The following MARCHF5 variants were observed in gnomAD, a reference collection of about 807,000 sequenced individuals.
MARCHF5 encodes the protein membrane associated ring-CH-type finger 5, also known as E3 ubiquitin-protein ligase MARCHF5.
MARCHF5 carries 5 observed loss-of-function variants against 36.5 expected under a neutral mutation model. The ratio of observed to expected loss-of-function variants is 0.14; its 90% CI spans 0.07 to 0.29. The LOEUF is 0.29. Ranked by LOEUF, MARCHF5 falls within the 10% of genes least tolerant of loss-of-function variation. The pLI, the probability that MARCHF5 is intolerant of heterozygous loss-of-function variation, is 1.00. For missense variants in MARCHF5, 179 were observed against 336.3 expected, an observed-to-expected ratio of 0.53 and a Z score of 3.66; for synonymous variants, 103 against 109.9, an observed-to-expected ratio of 0.94 and a Z score of 0.39.
At chr10:92,322,010 C>G (rs1228545494) in intron 2 of MARCHF5, among the ~76,000 whole-genome samples, 1 of 151,412 alleles carries the variant, frequency 6.6e-6, no homozygotes, top group African/African-American at 2.4e-5. Flanking sequence ...TTTGGGAGGC[C>G]GAGGCGGGCG....
At chr10:92,292,314 ACT>A (rs1404699631) in intron 1 of MARCHF5, among the ~76,000 whole-genome samples, 4 of 151,540 alleles carry the variant, frequency 2.6e-5, no homozygotes, top group Non-Finnish European at 2.9e-5. Flanking sequence ...GTTTTTGGAG[ACT>A]CTAGATCCAC....
chr10:92,337,073 GAT>G (rs1843510955), intron 2 of MARCHF5, among the ~76,000 whole-genome samples: 1 of 150,472 alleles, frequency 6.6e-6, no homozygotes. Context: ...AGTGAGCCAA[GAT>G]GACGCCATTG....
Position 92,311,180 on chromosome 10 carries a change from T to C in MARCHF5, c.81T>C (p.Ala27=), listed in dbSNP as rs777022739. 4.3e-6 allele frequency: 7 copies of C among 1,614,126 alleles called. No homozygotes were observed. Among genetic ancestry groups the C allele is most frequent in the East Asian group, 4.5e-5 (2 of 44,876 alleles). The change falls in exon 2 of 6, where the codon GCT becomes GCC. Residue 27 remains alanine (A), a synonymous_variant. Coordinates refer to ENST00000358935, the MANE Select transcript of MARCHF5 (RefSeq NM_017824.5). ...CTACTGATGAAGATGATAGAACAGC[T>C]GAATGGGTGAGACCATGCAGGTGCA... ...CFATDEDDRT[A]EWVRPCRCRG... is the part of the protein sequence containing the mutation.
At chr10:92,303,593 CT>C (rs763745350) in intron 1 of MARCHF5, among the ~76,000 whole-genome samples, 7 of 152,012 alleles carry the variant, frequency 4.6e-5, no homozygotes, top group Non-Finnish European at 8.8e-5. Flanking sequence ...CATGTAGTTC[CT>C]TGTGGCATCA....
intron 2 of MARCHF5, among the ~76,000 whole-genome samples, chr10:92,321,225 C>T (rs566331502): frequency 7.9e-5 from 12 of 152,154 alleles, no homozygotes; most frequent in African/African-American, 2.9e-4. Context: ...CATTGAGTAA[C>T]ACGTGAGTGT....
At chr10:92,325,757 A>G (rs1843349804) in intron 2 of MARCHF5, among the ~76,000 whole-genome samples, 1 of 152,116 alleles carries the variant, frequency 6.6e-6, no homozygotes, top group South Asian at 2.1e-4. Flanking sequence ...GGCTCTCTGC[A>G]ACCTCTGCCT....
intron 1 of MARCHF5, among the ~76,000 whole-genome samples, chr10:92,292,409 C>A (rs1446095125): frequency 6.6e-6 from 1 of 152,182 alleles, no homozygotes; most frequent in Non-Finnish European, 1.5e-5. Context: ...TTACAATTCT[C>A]AATAGACACC....
intron 2 of MARCHF5, among the ~76,000 whole-genome samples, chr10:92,330,157 T>C (rs1334423881): frequency 1.3e-5 from 2 of 152,216 alleles, no homozygotes; most frequent in African/African-American, 4.8e-5. Context: ...ATTTAGTCTT[T>C]TGTAGCCCTC....
chr10:92,337,788 G>A (rs1259370880), intron 2 of MARCHF5, among the ~76,000 whole-genome samples: 1 of 151,766 alleles, frequency 6.6e-6, no homozygotes, highest in Non-Finnish European at 1.5e-5. Flanking sequence ...ATAAGTGAGG[G>A]GATTGACTTC....
At chr10:92,339,547 G>A (rs149567674) in intron 2 of MARCHF5, among the ~76,000 whole-genome samples, 1,583 of 152,146 alleles carry the variant, frequency 0.01, 42 homozygotes, top group African/African-American at 0.036. Context: ...GCAGACGCCT[G>A]TAATCCTAGC....
At chr10:92,331,341 A>G (rs1048995267) in intron 2 of MARCHF5, among the ~76,000 whole-genome samples, 1 of 151,952 alleles carries the variant, frequency 6.6e-6, no homozygotes, top group African/African-American at 2.4e-5. Context: ...CACATCAGAG[A>G]CTTCAAGTTT....
intron 1 of MARCHF5, among the ~76,000 whole-genome samples, chr10:92,295,479 C>A (rs1842939470): frequency 6.8e-6 from 1 of 148,092 alleles, no homozygotes; most frequent in South Asian, 2.2e-4. Context: ...GCAATCTTGG[C>A]TCGCTGCAAA....
At chr10:92,336,002 C>G (rs1843498066) in intron 2 of MARCHF5, among the ~76,000 whole-genome samples, 1 of 152,074 alleles carries the variant, frequency 6.6e-6, no homozygotes, top group African/African-American at 2.4e-5. Context: ...ATGATGAAAA[C>G]AAAGATCATT....
chr10:92,322,156 A>G (rs1232101393), intron 2 of MARCHF5, among the ~76,000 whole-genome samples: 2 of 149,980 alleles, frequency 1.3e-5, no homozygotes, highest in Admixed American at 6.7e-5. Context: ...AAGCAGCAGA[A>G]TCACTTGAAC....
chr10:92,334,322 A>C (rs191139919), intron 2 of MARCHF5: 1 of 152,350 alleles, frequency 6.6e-6, no homozygotes, highest in African/African-American at 2.4e-5. Flanking sequence ...TCTCTTTTAT[A>C]AATTATTGGC....
intron 3 of MARCHF5, among the ~76,000 whole-genome samples, chr10:92,346,645 C>T (rs751805404): frequency 1.1e-4 from 16 of 151,826 alleles, no homozygotes; most frequent in Admixed American, 6.6e-5. Flanking sequence ...ACCACCACCA[C>T]GCCTGGCTTG....
At chr10:92,318,833 A>G (rs979191584) in intron 2 of MARCHF5, among the ~76,000 whole-genome samples, 3 of 151,852 alleles carry the variant, frequency 2.0e-5, no homozygotes, top group African/African-American at 7.3e-5. Context: ...CGGCCTCCCA[A>G]GTAGCTGGAA....
intron 2 of MARCHF5, among the ~76,000 whole-genome samples, chr10:92,322,138 G>C (rs1025484605): frequency 1.3e-5 from 2 of 150,496 alleles, no homozygotes; most frequent in African/African-American, 4.9e-5. Flanking sequence ...CAGCTACTTG[G>C]GAGGCTGAAG....
At chr10:92,292,754 G>A (rs1045040164) in intron 1 of MARCHF5, among the ~76,000 whole-genome samples, 19 of 152,222 alleles carry the variant, frequency 1.2e-4, no homozygotes. Context: ...TGTGTGATAT[G>A]TGTGTGGTTT....
Sources: gnomAD v4.1 joint callset for allele counts (sites outside exome capture counted in the v4.1 genomes callset) on GRCh38, gnomAD v4.1.1 for gene constraint, MANE v1.5 for transcripts, NCBI Gene and HGNC (gene_info 2026-07-23, HGNC 2026-07-21) for gene names.